The following HCRTR2 variants were observed in gnomAD, a reference collection of about 807,000 sequenced individuals.
The protein encoded by HCRTR2 is orexin receptor type 2.
HCRTR2 carries 22 observed loss-of-function variants against 49.0 expected under a neutral mutation model. The ratio of observed to expected loss-of-function variants is 0.45; its 90% CI spans 0.32 to 0.64. The LOEUF (loss-of-function observed/expected upper bound fraction) is 0.64, where lower values mean the gene tolerates loss of function less well. HCRTR2 is among the 30% of genes least tolerant of loss of function. HCRTR2 has a pLI of 0.04. For missense variants in HCRTR2, 491 were observed against 559.4 expected, an observed-to-expected ratio of 0.88 and a Z score of 1.23; for synonymous variants, 236 against 205.3, an observed-to-expected ratio of 1.15 and a Z score of -1.28.
At chr6:55,168,791 T>C (rs1764910885) in intron 1 of HCRTR2, among the ~76,000 whole-genome samples, 1 of 152,038 alleles carries the variant, frequency 6.6e-6, no homozygotes, top group Admixed American at 6.6e-5. Context: ...ACCTGGAAAA[T>C]TGGAATAATA....
chr6:55,150,848 T>A (rs1764655437), intron 1 of HCRTR2, among the ~76,000 whole-genome samples: 1 of 152,036 alleles, frequency 6.6e-6, no homozygotes, highest in Non-Finnish European at 1.5e-5. Flanking sequence ...TTTGTCCCTG[T>A]ACACTTTCCT....
intron 1 of HCRTR2, among the ~76,000 whole-genome samples, chr6:55,139,705 C>A (rs540253893): frequency 6.6e-6 from 1 of 152,124 alleles, no homozygotes; most frequent in South Asian, 2.1e-4. Flanking sequence ...AAATGTTGGG[C>A]ATTATTATGC....
upstream of HCRTR2, among the ~76,000 whole-genome samples, chr6:55,173,334 G>C (rs1764978833): frequency 6.6e-6 from 1 of 152,098 alleles, no homozygotes; most frequent in Non-Finnish European, 1.5e-5. Context: ...AGCTAGATGG[G>C]GACATGTCAG....
chr6:55,205,310 A>G (rs906260732), intron 1 of HCRTR2, among the ~76,000 whole-genome samples: 2 of 152,198 alleles, frequency 1.3e-5, no homozygotes, highest in Non-Finnish European at 2.9e-5. Flanking sequence ...ATGGAGTACT[A>G]TCATAAATTT....
intron 1 of HCRTR2, among the ~76,000 whole-genome samples, chr6:55,198,960 G>T: frequency 6.6e-6 from 1 of 152,176 alleles, no homozygotes; most frequent in Non-Finnish European, 1.5e-5. Flanking sequence ...AATTACAACA[G>T]AAGATAGTAT....
intron 4 of HCRTR2, among the ~76,000 whole-genome samples, chr6:55,269,887 C>A (rs1766939203): frequency 6.6e-6 from 1 of 152,146 alleles, no homozygotes; most frequent in Non-Finnish European, 1.5e-5. Flanking sequence ...TCATTTGAGC[C>A]TCAGAGGTGG....
upstream of HCRTR2, among the ~76,000 whole-genome samples, chr6:55,170,257 T>G (rs1764929264): frequency 6.7e-6 from 1 of 148,810 alleles, no homozygotes; most frequent in South Asian, 2.1e-4. Context: ...ATTTTGTATA[T>G]ATAAATATAT....
At chr6:55,196,880 T>C (rs893986415) in intron 1 of HCRTR2, among the ~76,000 whole-genome samples, 21 of 152,136 alleles carry the variant, frequency 1.4e-4, no homozygotes, top group African/African-American at 5.1e-4. Flanking sequence ...ATGGGTGGTC[T>C]TCCAGGAAGC....
At chr6:55,144,012 G>A (rs1004673863) in intron 1 of HCRTR2, among the ~76,000 whole-genome samples, 2 of 151,848 alleles carry the variant, frequency 1.3e-5, no homozygotes, top group Non-Finnish European at 2.9e-5. Flanking sequence ...TTGGGAAAAG[G>A]GAACCACAAC....
chr6:55,174,385 G>A (rs199634246), upstream of HCRTR2: 6 of 607,278 alleles, frequency 9.9e-6, no homozygotes, highest in African/African-American at 5.5e-5. Context: ...GTGCAACATC[G>A]CCTGTAAAGA....
At chr6:55,115,411 T>A (rs1255041929) in intron 1 of HCRTR2, among the ~76,000 whole-genome samples, 1 of 151,548 alleles carries the variant, frequency 6.6e-6, no homozygotes, top group Non-Finnish European at 1.5e-5. Flanking sequence ...TTTAATCAAT[T>A]TTCTAAACTT....
chr6:55,277,241 G>A, intron 4 of HCRTR2, 139 bp from the exon 5 acceptor site: 2 of 714,048 alleles, frequency 2.8e-6, no homozygotes. Context: ...GTCAGCAAAT[G>A]CTCTGGAGAA....
In HCRTR2 at chr6:55,280,406, A is replaced by G. The variant is rs1248250349; in HGVS notation, c.1067A>G (p.Asn356Ser). 2 of 1,612,134 alleles carry G rather than the reference A, an allele frequency of 1.2e-6. No homozygotes were observed. The highest frequency in any genetic ancestry group is 1.7e-5 in the Admixed American group (1 of 59,964). ...TTTTCACACTGGCTTGTATATGCCA[A>G]TAGTGCTGCGAATCCAATTATTTAT... ...FTFSHWLVYANSAANPIIYNF... is the reference protein window; with the variant it reads ...FTFSHWLVYASSAANPIIYNF... Residue 356 changes from asparagine to serine, a missense_variant, in exon 6 of 7, where the codon AAT becomes AGT. Physicochemically the swap from Asn to Ser is conservative, Grantham distance 46. Coordinates refer to ENST00000370862, the MANE Select transcript of HCRTR2 (RefSeq NM_001384272.1).
chr6:55,244,526 A>G (rs997010929), intron 1 of HCRTR2, among the ~76,000 whole-genome samples: 3 of 152,064 alleles, frequency 2.0e-5, no homozygotes, highest in Admixed American at 1.3e-4. Context: ...AAGCATAATT[A>G]ATGGGAGAAA....
In HCRTR2 at chr6:55,277,634, C is replaced by T. The variant is rs199656196; in HGVS notation, c.983+34C>T. On this transcript the variant is annotated intron_variant, in intron 5 of 6. Transcript: ENST00000370862. The stretch of plus-strand genomic sequence containing the variant: ...TATCTGTTATTTGAAAATGAAATAG[C>T]CTGCCTTTTCTTGATTCTTAATTAA... The T allele has an allele frequency of 4.4e-5, 65 of 1,468,428 alleles. No individual in the cohort carries two copies. The Middle Eastern group carries it at 5.6e-4, about 13-fold the overall frequency. The allele number at this position is 1,468,428 out of a possible 1,614,324, so 91.0% of individuals were successfully genotyped here.
chr6:55,199,234 A>T (rs1360006235), intron 1 of HCRTR2, among the ~76,000 whole-genome samples: 6 of 151,506 alleles, frequency 4.0e-5, no homozygotes, highest in Non-Finnish European at 8.8e-5. Context: ...CAACTTTTTA[A>T]TTTCTAATTT....
Position 55,141,882 on chromosome 6 carries a change from A to T in HCRTR2, c.-377-32329A>T, listed in dbSNP as rs184477118. Among the ~76,000 whole-genome samples, 19 of 152,352 alleles carry T rather than the reference A, an allele frequency of 1.2e-4. 1 individual carries two copies. The South Asian group carries it at 3.1e-3, about 25-fold the overall frequency. On this transcript the variant is annotated intron_variant, in intron 1 of 7. Coordinates refer to the HCRTR2 transcript ENST00000615358. Reference sequence around the variant, plus strand: ...TTATTGCTAAAGAAAAGTAAAAGCTATAGAAACCCATGTAAAATACATGCA... The same window carrying T: ...TTATTGCTAAAGAAAAGTAAAAGCTTTAGAAACCCATGTAAAATACATGCA...
intron 1 of HCRTR2, among the ~76,000 whole-genome samples, chr6:55,166,679 A>G (rs1764882020): frequency 6.6e-6 from 1 of 152,138 alleles, no homozygotes; most frequent in Admixed American, 6.6e-5. Flanking sequence ...GAGTTACTGT[A>G]TGAAATAATT....
At chr6:55,151,468 G>C (rs1764663872) in intron 1 of HCRTR2, among the ~76,000 whole-genome samples, 2 of 151,880 alleles carry the variant, frequency 1.3e-5, no homozygotes, top group Non-Finnish European at 1.5e-5. Flanking sequence ...AGATCATCTT[G>C]TAAAGATTTG....
Sources: gnomAD v4.1 joint callset for allele counts (sites outside exome capture counted in the v4.1 genomes callset) on GRCh38, gnomAD v4.1.1 for gene constraint, MANE v1.5 for transcripts, NCBI Gene and HGNC (gene_info 2026-07-23, HGNC 2026-07-21) for gene names.